RERE: variants seen among roughly 807,000 people sequenced by gnomAD.
RERE encodes arginine-glutamic acid dipeptide repeats protein.
In RERE, 40 loss-of-function variants were observed where a neutral mutation model predicts 146.1. That is an observed-to-expected ratio of 0.27 (90% confidence interval 0.21 to 0.36). RERE has a LOEUF of 0.36. Ranked by LOEUF, RERE falls within the 10% of genes least tolerant of loss-of-function variation. RERE has a pLI of 1.00. For synonymous variants in RERE, 1,003 were observed against 866.0 expected (o/e 1.16, Z -2.78); for missense variants, 1,933 against 2,138.7 (o/e 0.90, Z 1.90).
chr1:8,642,715 C>T (rs1647196250), intron 2 of RERE, among the ~76,000 whole-genome samples: 1 of 152,118 alleles, frequency 6.6e-6, no homozygotes, highest in African/African-American at 2.4e-5. Flanking sequence ...CTTCAATTTG[C>T]AACTTTAACA....
At chr1:8,389,619 G>T (rs1030904847) in intron 12 of RERE, among the ~76,000 whole-genome samples, 3 of 152,148 alleles carry the variant, frequency 2.0e-5, no homozygotes, top group African/African-American at 7.2e-5. Context: ...ATGAGGAAGG[G>T]GTGGAATTCT....
At chr1:8,776,930 T>C (rs1641075750) in intron 1 of RERE, among the ~76,000 whole-genome samples, 1 of 151,892 alleles carries the variant, frequency 6.6e-6, no homozygotes, top group African/African-American at 2.4e-5. Context: ...GGTTTCACCA[T>C]ATTGCCCAGG....
intron 11 of RERE, among the ~76,000 whole-genome samples, chr1:8,436,039 G>A (rs1465191816): frequency 6.6e-6 from 1 of 152,138 alleles, no homozygotes; most frequent in Admixed American, 6.5e-5. Flanking sequence ...AACCCAACAC[G>A]GCCAGGTGCA....
At chr1:8,647,674 T>C (rs1236417839) in intron 2 of RERE, among the ~76,000 whole-genome samples, 4 of 151,462 alleles carry the variant, frequency 2.6e-5, no homozygotes, top group African/African-American at 4.9e-5. Context: ...TGTGTGTGTG[T>C]GTGTCCCCTG....
At chr1:8,764,885 G>T (rs1640819238) in intron 1 of RERE, among the ~76,000 whole-genome samples, 1 of 152,206 alleles carries the variant, frequency 6.6e-6, no homozygotes, top group Non-Finnish European at 1.5e-5. Flanking sequence ...CAAGGTTCAT[G>T]CATTGCTAGT....
intron 11 of RERE, among the ~76,000 whole-genome samples, chr1:8,458,718 T>C (rs990665682): frequency 6.6e-6 from 1 of 152,118 alleles, no homozygotes; most frequent in Non-Finnish European, 1.5e-5. Flanking sequence ...AAAAGAATAA[T>C]CTTGTTAAAC....
intron 1 of RERE, among the ~76,000 whole-genome samples, chr1:8,763,663 G>A (rs548694814): frequency 3.6e-4 from 54 of 151,904 alleles, no homozygotes; most frequent in African/African-American, 6.5e-4. Context: ...AAACAAGACC[G>A]GGCACGGTGG....
chr1:8,669,364 G>T (rs1638661154), intron 1 of RERE, among the ~76,000 whole-genome samples: 1 of 152,126 alleles, frequency 6.6e-6, no homozygotes, highest in Non-Finnish European at 1.5e-5. Context: ...CCTCCAAAAT[G>T]CTGGGATTAC....
At chr1:8,706,479 C>G (rs374375768) in intron 1 of RERE, among the ~76,000 whole-genome samples, 135 of 152,298 alleles carry the variant, frequency 8.9e-4, no homozygotes, top group African/African-American at 3.1e-3. Flanking sequence ...CAAGTTCTTC[C>G]TATTACCCAG....
rs1641189526 is a variant in RERE at position 8,353,830 on chromosome 1, C to A, written c.*1257G>T. The A allele has an allele frequency of 6.6e-6, 1 of 152,424 alleles. No individual in the cohort carries two copies. Among genetic ancestry groups the A allele is most frequent in the Non-Finnish European group, 1.5e-5 (1 of 68,044 alleles). The allele number at this position is 152,424 out of a possible 1,614,324, so 9.4% of individuals were successfully genotyped here. ...CCCTAGGGTAAAATACAGGCTGCCC[C>A]CAACACCTGTCTTAACTCCAGGATC... is the stretch of plus-strand genomic sequence containing the variant. On this transcript the variant is annotated 3_prime_UTR_variant, in exon 23 of 23. Transcript: ENST00000400908.
intron 1 of RERE, among the ~76,000 whole-genome samples, chr1:8,810,187 A>T (rs555951588): frequency 6.6e-6 from 1 of 152,290 alleles, no homozygotes; most frequent in African/African-American, 2.4e-5. Context: ...TTTTGTAGAG[A>T]CAAAGTTTCA....
chr1:8,363,870 C>G (rs775943537), intron 15 of RERE, 186 bp downstream of exon 15: 8 of 617,190 alleles, frequency 1.3e-5, no homozygotes, highest in Admixed American at 2.9e-5. Context: ...TGGGGCCCCT[C>G]GAAGGAGAGA....
intron 1 of RERE, among the ~76,000 whole-genome samples, chr1:8,788,250 C>T (rs1248443053): frequency 6.6e-6 from 1 of 151,612 alleles, no homozygotes; most frequent in Admixed American, 6.6e-5. Context: ...AAACATAATA[C>T]AACCATGTTA....
chr1:8,385,968 TAAAAAAAAAAAAAAAAAAAA>T (rs34493389), intron 12 of RERE, among the ~76,000 whole-genome samples: 1 of 9,482 alleles, frequency 1.1e-4, no homozygotes, highest in African/African-American at 4.8e-4. Flanking sequence ...GACTCCGTCT[TAAAAAAAAAAAAAAAAAAAA>T]AAAAAATATA....
rs373295063 is a variant in RERE at position 8,556,428 on chromosome 1, C to T, written c.725+47G>A. 3.6e-6 allele frequency: 4 copies of T among 1,102,126 alleles called. No homozygotes were observed. The African/African-American group carries it at 6.2e-5, about 17-fold the overall frequency. The allele number at this position is 1,102,126 out of a possible 1,614,324, so 68.3% of individuals were successfully genotyped here. On this transcript the variant is annotated intron_variant, in intron 6 of 22. Transcript: ENST00000400908. ...GAGAAATTACTCTCCACCTCCTGCA[C>T]TCAGTGACTCCTCCTTCACATGGAA...
intron 4 of RERE, among the ~76,000 whole-genome samples, chr1:8,582,283 A>G (rs1423987763): frequency 6.6e-6 from 1 of 151,880 alleles, no homozygotes; most frequent in Non-Finnish European, 1.5e-5. Context: ...CACAGCACAC[A>G]ATAGCCTTAA....
At chr1:8,389,168 A>G (rs1642792024) in intron 12 of RERE, among the ~76,000 whole-genome samples, 1 of 152,222 alleles carries the variant, frequency 6.6e-6, no homozygotes, top group South Asian at 2.1e-4. Flanking sequence ...AAATAAGCAG[A>G]GCTGTGCTTC....
intron 10 of RERE, among the ~76,000 whole-genome samples, chr1:8,483,829 A>G (rs1250377270): frequency 6.6e-6 from 1 of 152,228 alleles, no homozygotes; most frequent in Non-Finnish European, 1.5e-5. Context: ...TCTTGAATAC[A>G]TAAAGAGCTT....
chr1:8,574,676 G>A (rs558703187), intron 4 of RERE, among the ~76,000 whole-genome samples: 39 of 152,120 alleles, frequency 2.6e-4, no homozygotes, highest in African/African-American at 7.2e-4. Context: ...AATCAGACAC[G>A]AACAAATATA....
Sources: allele counts gnomAD v4.1 joint callset (sites outside exome capture counted in the v4.1 genomes callset), GRCh38; gene constraint gnomAD v4.1.1; transcripts MANE v1.5; gene names NCBI Gene and HGNC (gene_info 2026-07-23, HGNC 2026-07-21).